The following RUNX1 variants were observed in gnomAD, a reference collection of about 807,000 sequenced individuals.
RUNX1 encodes the protein RUNX family transcription factor 1, also known as runt-related transcription factor 1.
RUNX1 carries 19 observed loss-of-function variants against 42.8 expected under a neutral mutation model. The ratio of observed to expected loss-of-function variants is 0.44; its 90% confidence interval spans 0.31 to 0.65. The LOEUF (loss-of-function observed/expected upper bound fraction) is 0.65, where lower values mean the gene tolerates loss of function less well. Ranked by LOEUF, RUNX1 falls within the 30% of genes least tolerant of loss-of-function variation. The pLI is 0.07. For synonymous variants in RUNX1, 271 were observed against 289.4 expected, an observed-to-expected ratio of 0.94 and a Z score of 0.64; for missense variants, 528 against 672.0, an observed-to-expected ratio of 0.79 and a Z score of 2.37.
intron 2 of RUNX1, among the ~76,000 whole-genome samples, chr21:34,992,929 C>T (rs375703289): frequency 7.9e-4 from 121 of 152,236 alleles, no homozygotes; most frequent in African/African-American, 2.9e-3. Context: ...GTGCAGGCAG[C>T]CCGCCCAGGC....
At chr21:34,867,218 G>A (rs2057674948) in intron 5 of RUNX1, among the ~76,000 whole-genome samples, 1 of 151,472 alleles carries the variant, frequency 6.6e-6, no homozygotes, top group South Asian at 2.1e-4. Flanking sequence ...GCAGCTTGGT[G>A]AAACCCCATT....
chr21:34,859,043 T>G (rs535864856), intron 6 of RUNX1, among the ~76,000 whole-genome samples: 11 of 152,336 alleles, frequency 7.2e-5, no homozygotes, highest in African/African-American at 2.6e-4. Flanking sequence ...CTGGCCCTCA[T>G]GAATTAATAA....
chr21:35,035,623 G>T (rs1410405945), intron 2 of RUNX1, among the ~76,000 whole-genome samples: 1 of 152,158 alleles, frequency 6.6e-6, no homozygotes, highest in Non-Finnish European at 1.5e-5. Flanking sequence ...AATGTTATTT[G>T]TTCTCATTAT....
chr21:34,967,164 C>T (rs144021260), intron 2 of RUNX1, among the ~76,000 whole-genome samples: 1,582 of 150,424 alleles, frequency 0.011, 27 homozygotes, highest in African/African-American at 0.037. Flanking sequence ...ACTAAAAATA[C>T]AAAAAATTAG....
intron 7 of RUNX1, among the ~76,000 whole-genome samples, chr21:34,812,936 A>G (rs2056776490): frequency 6.6e-6 from 1 of 152,228 alleles, no homozygotes; most frequent in Non-Finnish European, 1.5e-5. Flanking sequence ...GAAGACAGGA[A>G]TGCTAGGACC....
chr21:35,036,707 G>A (rs1198295024), intron 2 of RUNX1, among the ~76,000 whole-genome samples: 1 of 152,206 alleles, frequency 6.6e-6, no homozygotes, highest in African/African-American at 2.4e-5. Flanking sequence ...CAGTAGGCGT[G>A]TGCATCTCAA....
chr21:34,969,418 A>G (rs566154458), intron 2 of RUNX1, among the ~76,000 whole-genome samples: 2 of 152,246 alleles, frequency 1.3e-5, no homozygotes, highest in African/African-American at 2.4e-5. Context: ...AACACAGAAA[A>G]TGGGGATGGG....
intron 2 of RUNX1, among the ~76,000 whole-genome samples, chr21:34,931,975 A>T (rs2058450820): frequency 6.6e-6 from 1 of 152,128 alleles, no homozygotes; most frequent in South Asian, 2.1e-4. Context: ...TAGGAAGCAA[A>T]CTTGGCCATA....
chr21:34,815,280 GAC>G (rs2056809979), intron 7 of RUNX1, among the ~76,000 whole-genome samples: 1 of 152,294 alleles, frequency 6.6e-6, no homozygotes, highest in South Asian at 2.1e-4. Flanking sequence ...AACTGTGGGT[GAC>G]ACAGAGGTGT....
At chr21:34,834,035 G>A in intron 7 of RUNX1, 2 of 411,866 alleles carry the variant, frequency 4.9e-6, no homozygotes, top group Admixed American at 3.3e-5. Flanking sequence ...GTGTGTGTGT[G>A]TCTGCGTGTG....
chr21:35,010,888 C>G (rs1416389660), intron 2 of RUNX1, among the ~76,000 whole-genome samples: 1 of 152,130 alleles, frequency 6.6e-6, no homozygotes, highest in African/African-American at 2.4e-5. Flanking sequence ...CTGGAAAAAT[C>G]GGATTCATCA....
intron 2 of RUNX1, among the ~76,000 whole-genome samples, chr21:34,951,110 T>C (rs1261744047): frequency 6.6e-6 from 1 of 152,182 alleles, no homozygotes; most frequent in East Asian, 1.9e-4. Flanking sequence ...GTTAGACATA[T>C]CCTTGCAGGT....
intron 5 of RUNX1, 21 bp from the exon 6 acceptor site, chr21:34,859,599 A>C: frequency 6.3e-7 from 1 of 1,575,642 alleles, no homozygotes. Context: ...ACGATAGAGA[A>C]CAAAACAGAA....
At chr21:34,801,312 T>C (rs527872203) in intron 7 of RUNX1, among the ~76,000 whole-genome samples, 1 of 152,204 alleles carries the variant, frequency 6.6e-6, no homozygotes, top group East Asian at 1.9e-4. Flanking sequence ...GCCTCACACC[T>C]CTAACCCCAT....
chr21:34,788,143 GGAGA>G lies in RUNX1; in HGVS notation c.*3988_*3991del, dbSNP rs1435919828. On this transcript the variant is annotated 3_prime_UTR_variant, in exon 9 of 9. Transcript: ENST00000675419. ...GAAGCATTCCATACGTTTGTACCAG[GGAGA>G]AAGAAGCCCACGCACGAATTTTCAG... 1.7e-5 allele frequency: 4 copies of G among 233,228 alleles called. No homozygotes were observed. Among genetic ancestry groups the G allele is most frequent in the African/African-American group, 8.8e-5 (4 of 45,316 alleles). 14.4% of individuals were successfully genotyped at this position (233,228 alleles called of 1,614,324 possible).
At chr21:34,892,067 G>A (rs2058086394) in intron 3 of RUNX1, among the ~76,000 whole-genome samples, 1 of 152,070 alleles carries the variant, frequency 6.6e-6, no homozygotes. Context: ...TACCCTTTGC[G>A]AGCAATATAT....
At chr21:35,030,402 G>A (rs2059265123) in intron 2 of RUNX1, among the ~76,000 whole-genome samples, 10 of 152,070 alleles carry the variant, frequency 6.6e-5, no homozygotes. Flanking sequence ...GACAAGCATG[G>A]AGAAGAAGAG....
intron 5 of RUNX1, among the ~76,000 whole-genome samples, chr21:34,879,353 A>T (rs1040837731): frequency 6.6e-6 from 1 of 152,164 alleles, no homozygotes; most frequent in Non-Finnish European, 1.5e-5. Flanking sequence ...CATTATATAA[A>T]TTTTTTATTT....
At chr21:34,939,537 G>C (rs965109175) in intron 2 of RUNX1, among the ~76,000 whole-genome samples, 48 of 152,334 alleles carry the variant, frequency 3.2e-4, no homozygotes, top group African/African-American at 1.1e-3. Flanking sequence ...ATCAGAATGA[G>C]AGAAGAAAGA....
Sources: gnomAD v4.1 joint callset for allele counts (sites outside exome capture counted in the v4.1 genomes callset) on GRCh38, gnomAD v4.1.1 for gene constraint, MANE v1.5 for transcripts, NCBI Gene and HGNC (gene_info 2026-07-23, HGNC 2026-07-21) for gene names.